Variants in PBX1 observed in about 807,000 individuals in gnomAD.
The protein encoded by PBX1 is pre-B-cell leukemia transcription factor 1.
PBX1 carries 6 observed loss-of-function variants against 53.4 expected under a neutral mutation model. That is an observed-to-expected ratio of 0.11 (90% CI 0.06 to 0.22). The LOEUF is 0.22. Ranked by LOEUF, PBX1 falls within the 10% of genes least tolerant of loss-of-function variation. PBX1 has a pLI of 1.00. For synonymous variants in PBX1, 204 were observed against 212.3 expected, an observed-to-expected ratio of 0.96 and a Z score of 0.34; for missense variants, 251 against 551.4, an observed-to-expected ratio of 0.46 and a Z score of 5.46.
intron 2 of PBX1, among the ~76,000 whole-genome samples, chr1:164,709,031 G>A (rs1240553543): frequency 6.6e-6 from 1 of 152,204 alleles, no homozygotes; most frequent in African/African-American, 2.4e-5. Context: ...AGACACCCCA[G>A]CAAATCAGCG....
chr1:164,827,536 C>G (rs2102380644), intron 8 of PBX1, among the ~76,000 whole-genome samples: 1 of 152,272 alleles, frequency 6.6e-6, no homozygotes. Flanking sequence ...TGGAAGCTAA[C>G]AGCCTCACTT....
chr1:164,720,943 G>A (rs1016774984), intron 2 of PBX1, among the ~76,000 whole-genome samples: 2 of 152,158 alleles, frequency 1.3e-5, no homozygotes, highest in African/African-American at 4.8e-5. Context: ...TGCCTTCATT[G>A]CAACAAATTT....
chr1:164,870,321 CTTTCTTTCTTTCTT>C (rs1558053742), intron 2 of PBX1, among the ~76,000 whole-genome samples: 2 of 96,406 alleles, frequency 2.1e-5, no homozygotes, highest in East Asian at 5.4e-4. Flanking sequence ...TTCTTTCTTT[CTTTCTTTCTTTCTT>C]TCTTTCTTTC....
chr1:164,727,936 G>A (rs962193516), intron 2 of PBX1, among the ~76,000 whole-genome samples: 15 of 152,152 alleles, frequency 9.9e-5, no homozygotes, highest in Non-Finnish European at 1.8e-4. Flanking sequence ...TGCTCCCTTC[G>A]TCATCTGCAG....
chr1:164,677,986 G>A (rs1245428456), intron 2 of PBX1, among the ~76,000 whole-genome samples: 3 of 152,172 alleles, frequency 2.0e-5, no homozygotes, highest in African/African-American at 7.2e-5. Flanking sequence ...TAAAGAAAAT[G>A]TATGGGTAGT....
chr1:164,614,416 T>C (rs1394712137), intron 2 of PBX1, among the ~76,000 whole-genome samples: 1 of 152,156 alleles, frequency 6.6e-6, no homozygotes, highest in Non-Finnish European at 1.5e-5. Flanking sequence ...GGTCAGCCCA[T>C]AGACACCTCC....
At position 164,833,889 on chromosome 1, in the gene PBX1, CTT is replaced by C. The variant is rs57482828; in HGVS notation, c.1200+12276_1200+12277del. On this transcript the variant is annotated intron_variant, in intron 8 of 8. Transcript: ENST00000420696. ...TTCCACAAGAAAATGGCTTTTTGTA[CTT>C]TTTTTTTTTTTTCTGTTTACCACAG... Among the ~76,000 whole-genome samples, 139 of 139,188 alleles carry C rather than the reference CTT, an allele frequency of 1.0e-3. 1 individual carries two copies. Among genetic ancestry groups the C allele is most frequent in the African/African-American group, 3.3e-3 (125 of 38,212 alleles). 91.3% of individuals were successfully genotyped at this position (139,188 alleles called of 152,430 possible).
intron 2 of PBX1, among the ~76,000 whole-genome samples, chr1:164,695,871 C>T (rs754629669): frequency 6.6e-6 from 1 of 152,188 alleles, no homozygotes; most frequent in Non-Finnish European, 1.5e-5. Context: ...TGGCCCTTGA[C>T]ATGTTACACA....
chr1:164,812,097 T>C lies in PBX1; in HGVS notation c.945T>C (p.Asn315=). ...CCAAAACAGCTGTCACTGCTACCAA[T>C]GTGTCAGCCCATGGAAGCCAAGCTA... ...YAAKTAVTAT[N]VSAHGSQANS... is the part of the protein sequence containing the mutation. Residue 315 remains asparagine (N), a synonymous_variant, in exon 6 of 9, where the codon AAT becomes AAC. Transcript: ENST00000420696. 1.9e-6 allele frequency: 3 copies of C among 1,613,846 alleles called. No homozygotes were observed. The highest frequency in any genetic ancestry group is 2.5e-6 in the Non-Finnish European group (3 of 1,179,868).
At position 164,669,626 on chromosome 1, in the gene PBX1, C is replaced by A. The variant is rs368133474; in HGVS notation, c.265+106315C>A. 2.6e-5 allele frequency among the ~76,000 whole-genome samples: 4 copies of A among 152,162 alleles called. No homozygotes were observed. In the East Asian group the frequency reaches 5.8e-4, roughly 22 times the overall value. On this transcript the variant is annotated intron_variant, in intron 2 of 8. Transcript: ENST00000420696. ...ATGTACACACTGCCTCTCTGACCTT[C>A]TGTCTCTGGGCACACCCTACTTCCC...
At chr1:164,587,552 T>G (rs1655034844) in intron 2 of PBX1, among the ~76,000 whole-genome samples, 1 of 152,200 alleles carries the variant, frequency 6.6e-6, no homozygotes. Context: ...ATTTTTTTTT[T>G]TAAGAGTAAG....
At chr1:164,802,762 ACATTCATT>A (rs139103277) in intron 4 of PBX1, among the ~76,000 whole-genome samples, 9 of 151,634 alleles carry the variant, frequency 5.9e-5, no homozygotes, top group Admixed American at 2.6e-4. Context: ...AAAATTCCAC[ACATTCATT>A]CATTCATTCA....
Position 164,851,820 on chromosome 1 carries a change from G to A in PBX1, c.*5144G>A, listed in dbSNP as rs192705206. 8.1e-5 allele frequency: 14 copies of A among 172,682 alleles called. No homozygotes were observed. The highest frequency in any genetic ancestry group is 4.5e-4 in the Admixed American group (7 of 15,696). The allele number at this position is 172,682 out of a possible 1,614,324, so 10.7% of individuals were successfully genotyped here. A position where few individuals can be genotyped will look rare whatever the true frequency, so the allele number is the denominator to read the frequency against. ...TTCCAAATAAATAGTTTCTTTTGTT[G>A]CAAAAAAAAATACTTGTATTTTGTG... On this transcript the variant is annotated 3_prime_UTR_variant, in exon 9 of 9. Transcript: ENST00000420696.
chr1:164,573,167 C>T (rs1275917127), intron 2 of PBX1, among the ~76,000 whole-genome samples: 1 of 151,952 alleles, frequency 6.6e-6, no homozygotes, highest in Non-Finnish European at 1.5e-5. Context: ...TCTTATTTAA[C>T]CCAAATATAT....
At chr1:164,743,237 C>T (rs972500237) in intron 2 of PBX1, among the ~76,000 whole-genome samples, 18 of 152,078 alleles carry the variant, frequency 1.2e-4, no homozygotes, top group Non-Finnish European at 1.9e-4. Flanking sequence ...TTGCTAATGA[C>T]TCTATTGGCC....
chr1:164,670,460 G>A (rs965770447), intron 2 of PBX1, among the ~76,000 whole-genome samples: 3 of 151,988 alleles, frequency 2.0e-5, no homozygotes, highest in African/African-American at 7.3e-5. Flanking sequence ...TTTCCACCCC[G>A]TGTGACTCCT....
At position 164,846,967 on chromosome 1, in the gene PBX1, G is replaced by C. The variant is rs373586993; in HGVS notation, c.*291G>C. 1.4e-4 allele frequency: 176 copies of C among 1,253,510 alleles called. 1 individual carries two copies. The African/African-American group carries it at 2.3e-3, about 16-fold the overall frequency. The allele number at this position is 1,253,510 out of a possible 1,614,324, so 77.6% of individuals were successfully genotyped here. On this transcript the variant is annotated 3_prime_UTR_variant, in exon 9 of 9. Coordinates refer to ENST00000420696, the MANE Select transcript of PBX1 (RefSeq NM_002585.4). Reference sequence around the variant, plus strand: ...CCTGTGCCTCTGTCCTAGACTCCCGGGGTCCCCGCCCTCTCTCATATCACT... The same window carrying C: ...CCTGTGCCTCTGTCCTAGACTCCCGCGGTCCCCGCCCTCTCTCATATCACT...
At chr1:164,793,279 C>T (rs1227191257) in intron 3 of PBX1, among the ~76,000 whole-genome samples, 1 of 152,152 alleles carries the variant, frequency 6.6e-6, no homozygotes, top group Non-Finnish European at 1.5e-5. Flanking sequence ...AAACGTATTC[C>T]CTCTTTTACA....
chr1:164,584,682 G>T (rs1407497915), intron 2 of PBX1, among the ~76,000 whole-genome samples: 1 of 152,112 alleles, frequency 6.6e-6, no homozygotes, highest in Non-Finnish European at 1.5e-5. Flanking sequence ...AATGGGAGGT[G>T]TGCAAGAGAG....
Sources: gnomAD v4.1 joint callset for allele counts (sites outside exome capture counted in the v4.1 genomes callset) on GRCh38, gnomAD v4.1.1 for gene constraint, MANE v1.5 for transcripts, NCBI Gene and HGNC (gene_info 2026-07-23, HGNC 2026-07-21) for gene names.